The following HTRA1 variants were observed in gnomAD, a reference collection of about 807,000 sequenced individuals.
HTRA1 encodes the protein serine protease HTRA1.
HTRA1 carries 26 observed loss-of-function variants against 49.7 expected under a neutral mutation model. The ratio of observed to expected loss-of-function variants is 0.52; its 90% CI spans 0.38 to 0.73. HTRA1 has a LOEUF of 0.73. Ranked by LOEUF, HTRA1 falls within the 30% of genes least tolerant of loss-of-function variation. The pLI is 0.00. For synonymous variants in HTRA1, 291 were observed against 286.9 expected (o/e 1.01, Z -0.14); for missense variants, 561 against 667.2 (o/e 0.84, Z 1.75).
intron 1 of HTRA1, among the ~76,000 whole-genome samples, chr10:122,476,936 T>G (rs2097488753): frequency 2.0e-5 from 3 of 152,082 alleles, no homozygotes; most frequent in Non-Finnish European, 1.5e-5. Context: ...TGGATTTATT[T>G]ATTCAGCAAG....
chr10:122,514,395 A>G lies in HTRA1; in HGVS notation c.*36A>G, dbSNP rs1208769528. 1.9e-6 allele frequency: 3 copies of G among 1,605,774 alleles called. No homozygotes were observed. In the Admixed American group the frequency reaches 5.0e-5, roughly 27 times the overall value. On this transcript the variant is annotated 3_prime_UTR_variant, in exon 9 of 9. Transcript: ENST00000368984. ...GAGCTGGACTTCATGTTTCCCTCAAAGACTCTCCCGTGGATGACGGATGAG... is the reference window on the plus strand; with the variant it reads ...GAGCTGGACTTCATGTTTCCCTCAAGGACTCTCCCGTGGATGACGGATGAG...
chr10:122,507,869 A>C (rs2097503837), intron 5 of HTRA1, among the ~76,000 whole-genome samples: 1 of 152,134 alleles, frequency 6.6e-6, no homozygotes, highest in South Asian at 2.1e-4. Flanking sequence ...GGAGTTACCC[A>C]CCCACAAAGA....
Position 122,464,044 on chromosome 10 carries a change from G to A in HTRA1, c.472+1920G>A, listed in dbSNP as rs1368075507. Among the ~76,000 whole-genome samples, 1 of 152,244 alleles carries A rather than the reference G, an allele frequency of 6.6e-6. No homozygotes were observed. ...GGAGCAACTCAAAGCCTAGTGTAGT[G>A]TAGGGCTGACCTAGCAGTGGAGTGC... On this transcript the variant is annotated intron_variant, in intron 1 of 8. Transcript: ENST00000368984. This position sits in a 1 kb window ranked among gnomAD's most constrained non-coding sequence, Gnocchi z 4.8.
chr10:122,478,836 G>A (rs1001812087), intron 1 of HTRA1, among the ~76,000 whole-genome samples: 2 of 152,210 alleles, frequency 1.3e-5, no homozygotes, highest in South Asian at 2.1e-4. Context: ...GACCTGTGCA[G>A]TCACACCTTG....
At position 122,503,394 on chromosome 10, in the gene HTRA1, G is replaced by A. The variant is rs538471651; in HGVS notation, c.778-3297G>A. On this transcript the variant is annotated intron_variant, in intron 3 of 8. Transcript: ENST00000368984. ...TGAGAACAGGCCCCATCTGGCTTTG[G>A]AATGAGCTGAGGTGCCCGATGCTCC... Among the ~76,000 whole-genome samples, 8 of 152,340 alleles carry A rather than the reference G, an allele frequency of 5.3e-5. No individual in the cohort carries two copies. In the South Asian group the frequency reaches 1.7e-3, roughly 32 times the overall value.
chr10:122,472,978 C>T (rs1048475495), intron 1 of HTRA1, among the ~76,000 whole-genome samples: 8 of 152,156 alleles, frequency 5.3e-5, no homozygotes, highest in African/African-American at 7.2e-5. Context: ...ATTTCAACCT[C>T]GTAAGTCACT....
intron 3 of HTRA1, among the ~76,000 whole-genome samples, chr10:122,504,708 C>G (rs1019672058): frequency 6.6e-6 from 1 of 152,236 alleles, no homozygotes; most frequent in East Asian, 1.9e-4. Flanking sequence ...CCTCCTGCCC[C>G]GCCTGCACGC....
chr10:122,508,589 C>T, intron 5 of HTRA1, 67 bp from the exon 6 acceptor site: 1 of 1,007,612 alleles, frequency 9.9e-7, no homozygotes. Context: ...CAGGCATATT[C>T]TCTCTGGGTG....
intron 3 of HTRA1, among the ~76,000 whole-genome samples, chr10:122,499,755 T>C (rs914532022): frequency 7.4e-4 from 113 of 152,216 alleles, no homozygotes; most frequent in African/African-American, 2.5e-3. Flanking sequence ...TTTTGTCCAT[T>C]GCATATTTTT....
At chr10:122,467,790 AAG>A (rs1343506935) in intron 1 of HTRA1, among the ~76,000 whole-genome samples, 2 of 152,268 alleles carry the variant, frequency 1.3e-5, no homozygotes, top group Non-Finnish European at 2.9e-5. Flanking sequence ...AAAAAGAAGA[AAG>A]AGAAAAATCC....
chr10:122,493,599 C>G (rs923954515), intron 3 of HTRA1, among the ~76,000 whole-genome samples: 4 of 152,090 alleles, frequency 2.6e-5, no homozygotes, highest in African/African-American at 4.8e-5. Flanking sequence ...GAGTACAAGG[C>G]AGAGGTAATG....
chr10:122,502,107 G>A (rs2097501163), intron 3 of HTRA1, among the ~76,000 whole-genome samples: 1 of 151,314 alleles, frequency 6.6e-6, no homozygotes, highest in South Asian at 2.1e-4. Context: ...TGAGGGAGGT[G>A]GACTTTGTGT....
In HTRA1 at chr10:122,506,517, G is replaced by A. The variant is rs2097503124; in HGVS notation, c.778-174G>A. Among the ~76,000 whole-genome samples the A allele has an allele frequency of 6.6e-6, 1 of 151,896 alleles. No homozygotes were observed. Among genetic ancestry groups the A allele is most frequent in the Non-Finnish European group, 1.5e-5 (1 of 67,984 alleles). On this transcript the variant is annotated intron_variant, in intron 3 of 8. Transcript: ENST00000368984. This position sits in a 1 kb window ranked among gnomAD's most constrained non-coding sequence, Gnocchi z 5.2. ...CAATGTGTGGATTACGGGTGGGAGG[G>A]AAATCCAGTCCTGCCCGCAGCAAAG...
In HTRA1 at chr10:122,494,979, G is replaced by T. The variant is rs535597289; in HGVS notation, c.777+5353G>T. Among the ~76,000 whole-genome samples, 50 of 152,270 alleles carry T rather than the reference G, an allele frequency of 3.3e-4. No homozygotes were observed. Among genetic ancestry groups the T allele is most frequent in the African/African-American group, 1.2e-3 (48 of 41,548 alleles). ...TGAGGGGGTTCAGGCAGCCCCCCGG[G>T]ACATGGCAGTGGCGGGGAGTGGACT... On this transcript the variant is annotated intron_variant, in intron 3 of 8. Transcript: ENST00000368984. The surrounding 1 kb of genome is among the most constrained non-coding windows in gnomAD (Gnocchi z 4.0).
In HTRA1 at chr10:122,461,717, C is replaced by A; in HGVS notation, c.65C>A (p.Ala22Glu). Residue 22 changes from alanine (A) to glutamate (E), a missense_variant, in exon 1 of 9, where the codon GCG (alanine) becomes GAG (glutamate). Around this residue, in one of 3 missense-constraint regions of HTRA1, gnomAD observed 111 missense variants for 83.7 expected, o/e 1.33. Transcript: ENST00000368984. ...LLLLLAAPAS[A>E]QLSRAGRSAP... ...CTGCTGCTGGCGGCGCCCGCCTCGG[C>A]GCAGCTGTCCCGGGCCGGCCGCTCG... is the stretch of plus-strand genomic sequence containing the variant. 1 of 1,283,758 alleles carries A rather than the reference C, an allele frequency of 7.8e-7. No individual in the cohort carries two copies. Among genetic ancestry groups the A allele is most frequent in the Non-Finnish European group, 1.0e-6 (1 of 999,262 alleles). The allele number at this position is 1,283,758 out of a possible 1,614,324, so 79.5% of individuals were successfully genotyped here. A position where few individuals can be genotyped will look rare whatever the true frequency, so the allele number is the denominator to read the frequency against.
At position 122,494,876 on chromosome 10, in the gene HTRA1, G is replaced by C. The variant is rs1565426197; in HGVS notation, c.777+5250G>C. ...CTGGGGCCTTTTACATGTCCCGGGA[G>C]CTGCTGAGCAGGCCACTCTTCTCCA... On this transcript the variant is annotated intron_variant, in intron 3 of 8. Transcript: ENST00000368984. This position sits in a 1 kb window ranked among gnomAD's most constrained non-coding sequence, Gnocchi z 4.0. Among the ~76,000 whole-genome samples, 1 of 152,172 alleles carries C rather than the reference G, an allele frequency of 6.6e-6. No homozygotes were observed. The highest frequency in any genetic ancestry group is 2.4e-5 in the African/African-American group (1 of 41,426).
chr10:122,467,827 T>C (rs2097484385), intron 1 of HTRA1, among the ~76,000 whole-genome samples: 1 of 151,920 alleles, frequency 6.6e-6, no homozygotes, highest in Non-Finnish European at 1.5e-5. Flanking sequence ...CCGAGAAGTG[T>C]AGCCATTCTG....
At chr10:122,504,078 T>C (rs952227816) in intron 3 of HTRA1, among the ~76,000 whole-genome samples, 2 of 152,136 alleles carry the variant, frequency 1.3e-5, no homozygotes, top group African/African-American at 4.8e-5. Flanking sequence ...CTGGGCCCCA[T>C]TTTCGGCAGC....
intron 7 of HTRA1, among the ~76,000 whole-genome samples, chr10:122,511,763 TA>T (rs201711530): frequency 4.7e-4 from 62 of 130,652 alleles, no homozygotes; most frequent in African/African-American, 6.0e-4. Flanking sequence ...AAAAAATAAA[TA>T]AATAATAAAG....
Sources: allele counts gnomAD v4.1 joint callset (sites outside exome capture counted in the v4.1 genomes callset), GRCh38; gene constraint gnomAD v4.1.1; regional missense constraint gnomAD v4.1.1; non-coding constraint Gnocchi (gnomAD v3.1); transcripts MANE v1.5; gene names NCBI Gene and HGNC (gene_info 2026-07-23, HGNC 2026-07-21).